The following CNBD1 variants were observed in gnomAD, a reference collection of about 807,000 sequenced individuals.
CNBD1 encodes the protein cyclic nucleotide-binding domain-containing protein 1.
A neutral mutation model predicts 54.4 loss-of-function variants in CNBD1; 71 were observed. The observed-to-expected ratio is 1.30, with a 90% CI of 1.08 to 1.59. The LOEUF (loss-of-function observed/expected upper bound fraction) is 1.59, where lower values mean the gene tolerates loss of function less well. Among genes scored for constraint, CNBD1 ranks in the 40% most tolerant of loss-of-function variants. The pLI is 0.00. For synonymous variants in CNBD1, 182 were observed against 170.7 expected (o/e 1.07, Z -0.51); for missense variants, 659 against 518.0 (o/e 1.27, Z -2.64).
intron 8 of CNBD1, among the ~76,000 whole-genome samples, chr8:87,317,846 G>C (rs984829137): frequency 6.6e-6 from 1 of 150,550 alleles, no homozygotes; most frequent in African/African-American, 2.4e-5. Context: ...CACTGAATTT[G>C]TCCCATGTTT....
chr8:87,382,659 A>G lies in CNBD1; in HGVS notation c.*32A>G, dbSNP rs1811104211. On this transcript the variant is annotated 3_prime_UTR_variant, in exon 11 of 11. Coordinates refer to ENST00000518476, the MANE Select transcript of CNBD1 (RefSeq NM_173538.3). Reference sequence around the variant, plus strand: ...AAACAACCTCAGTGAACATTAATTAAGAAAGTATTGACTAAATAATGGAAT... The same window carrying G: ...AAACAACCTCAGTGAACATTAATTAGGAAAGTATTGACTAAATAATGGAAT... 8.8e-6 allele frequency: 13 copies of G among 1,477,228 alleles called. No homozygotes were observed. Among genetic ancestry groups the G allele is most frequent in the Admixed American group, 2.0e-5 (1 of 49,702 alleles). 91.5% of individuals were successfully genotyped at this position (1,477,228 alleles called of 1,614,324 possible).
At chr8:87,253,104 G>A (rs1162673092) in intron 6 of CNBD1, among the ~76,000 whole-genome samples, 1 of 152,018 alleles carries the variant, frequency 6.6e-6, no homozygotes, top group Non-Finnish European at 1.5e-5. Context: ...GATTCCTAAG[G>A]GTAGTTTAAA....
At chr8:87,309,147 G>A (rs1370043134) in intron 8 of CNBD1, among the ~76,000 whole-genome samples, 1 of 152,060 alleles carries the variant, frequency 6.6e-6, no homozygotes, top group Non-Finnish European at 1.5e-5. Context: ...TCTAATTTCA[G>A]TTTTGAGGAA....
chr8:86,995,564 G>T (rs1808852623), intron 4 of CNBD1, among the ~76,000 whole-genome samples: 1 of 152,096 alleles, frequency 6.6e-6, no homozygotes, highest in Admixed American at 6.6e-5. Flanking sequence ...AAGTGTTTTA[G>T]TAAAAAGAAA....
chr8:87,332,025 G>A (rs1286087822), intron 8 of CNBD1, among the ~76,000 whole-genome samples: 4 of 152,020 alleles, frequency 2.6e-5, no homozygotes, highest in Admixed American at 6.6e-5. Context: ...TGTTCACTCT[G>A]ATGATAGATT....
intron 3 of CNBD1, among the ~76,000 whole-genome samples, chr8:86,921,013 A>G (rs888119877): frequency 6.6e-6 from 1 of 152,148 alleles, no homozygotes; most frequent in Non-Finnish European, 1.5e-5. Context: ...TTGGAGATGA[A>G]GCAACTGAAA....
Position 87,182,941 on chromosome 8 carries a change from A to G in CNBD1, c.432-23052A>G, listed in dbSNP as rs1444855254. ...ACTTATGTATTTTTGTTTTGTTACA[A>G]TTGCTTTTGGAGACTTTGACATGAA... is the stretch of plus-strand genomic sequence containing the variant. On this transcript the variant is annotated intron_variant, in intron 4 of 10. Transcript: ENST00000518476. This position sits in a 1 kb window ranked among gnomAD's most constrained non-coding sequence, Gnocchi z 4.1. Among the ~76,000 whole-genome samples, 1 of 152,046 alleles carries G rather than the reference A, an allele frequency of 6.6e-6. No homozygotes were observed. The highest frequency in any genetic ancestry group is 1.5e-5 in the Non-Finnish European group (1 of 68,012).
At chr8:86,869,541 C>G (rs149531177) in intron 1 of CNBD1, among the ~76,000 whole-genome samples, 157 of 152,310 alleles carry the variant, frequency 1.0e-3, no homozygotes, top group Middle Eastern at 6.8e-3. Flanking sequence ...GCTTCTTGAG[C>G]TAGTTTGCTG....
Position 86,873,483 on chromosome 8 carries a change from G to A in CNBD1, c.88+6900G>A, listed in dbSNP as rs1808471176. Among the ~76,000 whole-genome samples, 4 of 151,810 alleles carry A rather than the reference G, an allele frequency of 2.6e-5. 1 individual carries two copies. In the South Asian group the frequency reaches 8.3e-4, roughly 32 times the overall value. ...ATTGAGTCTTCCTACTCAATAACTGGTATCTTTACAATGCTCAGTCTTCCT... is the reference window on the plus strand; with the variant it reads ...ATTGAGTCTTCCTACTCAATAACTGATATCTTTACAATGCTCAGTCTTCCT... On this transcript the variant is annotated intron_variant, in intron 1 of 10. Coordinates refer to ENST00000518476, the MANE Select transcript of CNBD1 (RefSeq NM_173538.3).
At chr8:87,108,794 G>A (rs1462365094) in intron 4 of CNBD1, among the ~76,000 whole-genome samples, 1 of 152,110 alleles carries the variant, frequency 6.6e-6, no homozygotes, top group Non-Finnish European at 1.5e-5. Context: ...TTTCTTGTTT[G>A]TAGGGGAATG....
chr8:86,885,230 A>T (rs1261000379), intron 1 of CNBD1, among the ~76,000 whole-genome samples: 1 of 152,218 alleles, frequency 6.6e-6, no homozygotes, highest in Non-Finnish European at 1.5e-5. Context: ...TACCTTAAAT[A>T]ATCATTAACA....
At chr8:87,127,002 A>G (rs1008365812) in intron 4 of CNBD1, among the ~76,000 whole-genome samples, 1 of 151,770 alleles carries the variant, frequency 6.6e-6, no homozygotes, top group African/African-American at 2.4e-5. Context: ...GATGAGTGAA[A>G]CAAATAGTGA....
Position 87,164,256 on chromosome 8 carries a change from A to AT in CNBD1, c.432-41730dup, listed in dbSNP as rs1317652359. ...ATTAGTGGTAATGGCCTGTAATTTT[A>AT]TTTTTTTGTAAAGTCTTTGTCTTTG... On this transcript the variant is annotated intron_variant, in intron 4 of 10. Transcript: ENST00000518476. 5.3e-5 allele frequency among the ~76,000 whole-genome samples: 8 copies of AT among 151,680 alleles called. No individual in the cohort carries two copies. In the East Asian group the frequency reaches 5.8e-4, roughly 11 times the overall value.
chr8:87,112,894 G>T (rs1194155918), intron 4 of CNBD1, among the ~76,000 whole-genome samples: 1 of 152,140 alleles, frequency 6.6e-6, no homozygotes, highest in Non-Finnish European at 1.5e-5. Context: ...GGGGCTTGAT[G>T]AAGGGATTCC....
In CNBD1 at chr8:87,137,122, T is replaced by A. The variant is rs868618529; in HGVS notation, c.432-68871T>A. The stretch of plus-strand genomic sequence containing the variant: ...TATGTAAATTATATATATTATATTT[T>A]TATTATATATAAATTATATATATAT... On this transcript the variant is annotated intron_variant, in intron 4 of 10. Coordinates refer to ENST00000518476, the MANE Select transcript of CNBD1 (RefSeq NM_173538.3). Among the ~76,000 whole-genome samples the A allele has an allele frequency of 1.6e-3, 198 of 126,620 alleles. 5 individuals are homozygous for A. The highest frequency in any genetic ancestry group is 5.9e-3 in the East Asian group (25 of 4,268). 83.1% of individuals were successfully genotyped at this position (126,620 alleles called of 152,430 possible). A position where few individuals can be genotyped will look rare whatever the true frequency, so the allele number is the denominator to read the frequency against.
chr8:86,928,966 C>G (rs973657985), intron 3 of CNBD1, among the ~76,000 whole-genome samples: 1 of 152,072 alleles, frequency 6.6e-6, no homozygotes, highest in African/African-American at 2.4e-5. Context: ...AGAAAACTAT[C>G]CCCCTGTGAA....
intron 10 of CNBD1, among the ~76,000 whole-genome samples, chr8:87,367,476 C>G (rs1419563171): frequency 6.6e-6 from 1 of 152,060 alleles, no homozygotes; most frequent in Non-Finnish European, 1.5e-5. Flanking sequence ...TTCTATCAGT[C>G]TCTATTCTCA....
chr8:87,050,594 C>A (rs1810291719), intron 4 of CNBD1, among the ~76,000 whole-genome samples: 1 of 152,150 alleles, frequency 6.6e-6, no homozygotes, highest in Admixed American at 6.6e-5. Context: ...TCTTTGAAGG[C>A]AAACAGGTAT....
At chr8:87,391,222 C>T (rs1416054703) in intron 2 of CNBD1, among the ~76,000 whole-genome samples, 1 of 151,686 alleles carries the variant, frequency 6.6e-6, no homozygotes, top group Admixed American at 6.6e-5. Context: ...GCACATGTAC[C>T]CTAAAACTTA....
Sources: gnomAD v4.1 joint callset for allele counts (sites outside exome capture counted in the v4.1 genomes callset) on GRCh38, gnomAD v4.1.1 for gene constraint, Gnocchi (gnomAD v3.1) non-coding constraint, MANE v1.5 for transcripts, NCBI Gene and HGNC (gene_info 2026-07-23, HGNC 2026-07-21) for gene names.